Variants in PDCD10 observed in about 807,000 individuals in gnomAD.
The protein encoded by PDCD10 is programmed cell death 10, also known as programmed cell death protein 10.
A neutral mutation model predicts 29.2 loss-of-function variants in PDCD10; 4 were observed. The ratio of observed to expected loss-of-function variants is 0.14; its 90% CI spans 0.07 to 0.31. PDCD10 has a LOEUF of 0.31. PDCD10 is among the 10% of genes least tolerant of loss of function. The probability of loss-of-function intolerance (pLI) is 1.00; values close to 1 mark genes in which losing one functional copy is unlikely to be tolerated. For synonymous variants in PDCD10, 70 were observed against 82.2 expected (o/e 0.85, Z 0.80); for missense variants, 183 against 257.9 (o/e 0.71, Z 1.99).
At chr3:167,702,749 C>G (rs1380538157) in intron 4 of PDCD10, among the ~76,000 whole-genome samples, 1 of 152,090 alleles carries the variant, frequency 6.6e-6, no homozygotes, top group Non-Finnish European at 1.5e-5. Context: ...GGTGAGGTTT[C>G]TTTCATCTTT....
intron 4 of PDCD10, among the ~76,000 whole-genome samples, chr3:167,700,446 T>C (rs1231237528): frequency 6.6e-6 from 1 of 151,420 alleles, no homozygotes; most frequent in Non-Finnish European, 1.5e-5. Flanking sequence ...TATTGCATGA[T>C]ACTGAATTGC....
At chr3:167,698,084 C>A in intron 4 of PDCD10, 1 of 435,734 alleles carries the variant, frequency 2.3e-6, no homozygotes, top group South Asian at 1.6e-5. Flanking sequence ...CTCTTCAATT[C>A]CATTGATTAT....
At position 167,687,320 on chromosome 3, in the gene PDCD10, C is replaced by G. The variant is rs775208529; in HGVS notation, c.475-4G>C. ...CTTTCTTTTGGTGTTCAAGTGCCTA[C>G]AGTCACAAAATATAATAAGAAATAA... On this transcript the variant is annotated splice_polypyrimidine_tract_variant and splice_region_variant and intron_variant, in intron 7 of 8. Transcript: ENST00000392750. 1 of 1,512,142 alleles carries G rather than the reference C, an allele frequency of 6.6e-7. No individual in the cohort carries two copies. The highest frequency in any genetic ancestry group is 9.2e-7 in the Non-Finnish European group (1 of 1,087,998). 93.7% of individuals were successfully genotyped at this position (1,512,142 alleles called of 1,614,324 possible).
rs1723431448 is a variant in PDCD10, at chr3:167,720,217, GC to G, written c.-61del. 4.8e-6 allele frequency: 5 copies of G among 1,048,644 alleles called. No individual in the cohort carries two copies. In the South Asian group the frequency reaches 5.1e-5, roughly 11 times the overall value. The allele number at this position is 1,048,644 out of a possible 1,614,324, so 65.0% of individuals were successfully genotyped here. A position where few individuals can be genotyped will look rare whatever the true frequency, so the allele number is the denominator to read the frequency against. ...AAATGCAGAGGAATCTTCATTCACT[GC>G]AATATTTCTTCTCTTTTTTGGTGAT... On this transcript the variant is annotated 5_prime_UTR_variant, in exon 3 of 9. Coordinates refer to ENST00000392750, the MANE Select transcript of PDCD10 (RefSeq NM_007217.4).
chr3:167,701,199 G>A (rs927457568), intron 4 of PDCD10, among the ~76,000 whole-genome samples: 3 of 152,066 alleles, frequency 2.0e-5, no homozygotes, highest in African/African-American at 4.8e-5. Context: ...CATCTTGGCA[G>A]GAAGGGATGG....
At position 167,725,763 on chromosome 3, in the gene PDCD10, T is replaced by TTTTATA. The variant is rs1724065830; in HGVS notation, c.-116-5491_-116-5490insTATAAA. Among the ~76,000 whole-genome samples, 3 of 77,152 alleles carry TTTTATA rather than the reference T, an allele frequency of 3.9e-5. 1 individual carries two copies. The highest frequency in any genetic ancestry group is 5.4e-5 in the Non-Finnish European group (2 of 37,264). 50.6% of individuals were successfully genotyped at this position (77,152 alleles called of 152,430 possible). ...ATATAGCACTTTACCATTGTATCGT[T>TTTTATA]TATATATATATATATATATATATAT... On this transcript the variant is annotated intron_variant, in intron 2 of 8. Coordinates refer to ENST00000392750, the MANE Select transcript of PDCD10 (RefSeq NM_007217.4).
chr3:167,712,214 C>T (rs1166298245), intron 3 of PDCD10, among the ~76,000 whole-genome samples: 2 of 151,688 alleles, frequency 1.3e-5, no homozygotes, highest in Admixed American at 6.6e-5. Flanking sequence ...CAAGACAAAC[C>T]GTACAATAAG....
At chr3:167,688,285 T>G (rs1346063092) in intron 6 of PDCD10, among the ~76,000 whole-genome samples, 1 of 152,210 alleles carries the variant, frequency 6.6e-6, no homozygotes, top group Non-Finnish European at 1.5e-5. Context: ...CACTTTTAGC[T>G]TCTATCTAGC....
At chr3:167,699,515 C>T (rs1721157069) in intron 4 of PDCD10, among the ~76,000 whole-genome samples, 1 of 152,170 alleles carries the variant, frequency 6.6e-6, no homozygotes, top group Non-Finnish European at 1.5e-5. Flanking sequence ...CTTGAATTTA[C>T]CAAATGGCTC....
intron 6 of PDCD10, 31 bp from the exon 7 acceptor site, chr3:167,687,724 A>G: frequency 8.5e-7 from 1 of 1,179,264 alleles, no homozygotes; most frequent in South Asian, 1.2e-5. Context: ...AATATCAGCT[A>G]CATTTGAAAG....
At chr3:167,698,991 GT>G (rs1364288524) in intron 4 of PDCD10, among the ~76,000 whole-genome samples, 2 of 151,924 alleles carry the variant, frequency 1.3e-5, no homozygotes, top group African/African-American at 4.8e-5. Context: ...AAATACTTAG[GT>G]CTAAACAACT....
At chr3:167,724,451 C>A (rs1723885775) in intron 2 of PDCD10, among the ~76,000 whole-genome samples, 1 of 152,166 alleles carries the variant, frequency 6.6e-6, no homozygotes, top group African/African-American at 2.4e-5. Flanking sequence ...CATGAACATT[C>A]AGTTAAGAGA....
chr3:167,698,412 T>C (rs1421673978), intron 4 of PDCD10, among the ~76,000 whole-genome samples: 1 of 152,162 alleles, frequency 6.6e-6, no homozygotes, highest in East Asian at 1.9e-4. Context: ...GGGGTGTGGC[T>C]GTGGTCCCAG....
intron 3 of PDCD10, among the ~76,000 whole-genome samples, chr3:167,719,044 A>C (rs906762159): frequency 5.3e-5 from 8 of 151,670 alleles, no homozygotes; most frequent in Non-Finnish European, 1.0e-4. Flanking sequence ...TAAATGGATC[A>C]CTCTCTACTG....
At chr3:167,696,087 T>C (rs1157660483) in intron 5 of PDCD10, among the ~76,000 whole-genome samples, 4 of 151,864 alleles carry the variant, frequency 2.6e-5, no homozygotes, top group African/African-American at 7.2e-5. Context: ...AAATAATGAG[T>C]GTCATAACTA....
chr3:167,699,221 G>C (rs1054192644), intron 4 of PDCD10, among the ~76,000 whole-genome samples: 1 of 152,038 alleles, frequency 6.6e-6, no homozygotes, highest in African/African-American at 2.4e-5. Context: ...ACTTCTGTTA[G>C]ATCATAGCAC....
chr3:167,685,476 G>T (rs1308090542), intron 8 of PDCD10, among the ~76,000 whole-genome samples: 1 of 147,692 alleles, frequency 6.8e-6, no homozygotes, highest in Non-Finnish European at 1.5e-5. Context: ...CCTACTGAAA[G>T]ATGGCCTAAA....
chr3:167,726,802 G>GA lies in PDCD10; in HGVS notation c.-116-6530dup, dbSNP rs112954820. ...TTTGCTCTGATTTGCATGACTGAGA[G>GA]AGTTAGTGCTTCTTCAAAGTTTGTA... On this transcript the variant is annotated intron_variant, in intron 2 of 8. Coordinates refer to ENST00000392750, the MANE Select transcript of PDCD10 (RefSeq NM_007217.4). Among the ~76,000 whole-genome samples the GA allele has an allele frequency of 9.4e-3, 1,426 of 152,196 alleles. 30 individuals carry two copies. In the East Asian group the frequency reaches 0.097, roughly 10 times the overall value.
In PDCD10 at chr3:167,701,542, T is replaced by A. The variant is rs936237390; in HGVS notation, c.150+3300A>T. On this transcript the variant is annotated intron_variant, in intron 4 of 8. Transcript: ENST00000392750. ...AAAATTCTTCTGATACTGGATAATG[T>A]CCCTTGCTTCCCAGAACCCCATGAG... is the stretch of plus-strand genomic sequence containing the variant. Among the ~76,000 whole-genome samples the A allele has an allele frequency of 6.6e-5, 10 of 152,160 alleles. No homozygotes were observed. The East Asian group carries it at 7.7e-4, about 12-fold the overall frequency.
Sources: gnomAD v4.1 joint callset for allele counts (sites outside exome capture counted in the v4.1 genomes callset) on GRCh38, gnomAD v4.1.1 for gene constraint, MANE v1.5 for transcripts, NCBI Gene and HGNC (gene_info 2026-07-23, HGNC 2026-07-21) for gene names.